ITPK1: variants seen among roughly 807,000 people sequenced by gnomAD.
ITPK1 encodes inositol-tetrakisphosphate 1-kinase.
ITPK1 carries 21 observed loss-of-function variants against 45.3 expected under a neutral mutation model. That is an observed-to-expected ratio of 0.46 (90% CI 0.33 to 0.67). The LOEUF is 0.67. Among genes scored for constraint, ITPK1 ranks in the 30% least tolerant of loss-of-function variants. ITPK1 has a pLI of 0.02. For missense variants in ITPK1, 474 were observed against 573.5 expected, an observed-to-expected ratio of 0.83 and a Z score of 1.77; for synonymous variants, 258 against 253.6, an observed-to-expected ratio of 1.02 and a Z score of -0.16.
intron 5 of ITPK1, among the ~76,000 whole-genome samples, chr14:92,979,025 T>C (rs181889823): frequency 1.3e-5 from 2 of 152,250 alleles, no homozygotes; most frequent in Admixed American, 1.3e-4. Context: ...GTGAGGGCTG[T>C]ACCCTGCAGA....
chr14:92,941,984 C>T, intron 10 of ITPK1, 80 bp from the exon 11 acceptor site: 2 of 1,213,212 alleles, frequency 1.6e-6, no homozygotes, highest in African/African-American at 3.0e-5. Context: ...GGAGGCAGAA[C>T]CGATGGGCTC....
Position 92,940,595 on chromosome 14 carries a change from T to G in ITPK1, c.*966A>C, listed in dbSNP as rs1887314924. The G allele has an allele frequency of 8.4e-7, 1 of 1,195,582 alleles. No homozygotes were observed. Among genetic ancestry groups the G allele is most frequent in the Admixed American group, 3.4e-5 (1 of 29,742 alleles). The allele number at this position is 1,195,582 out of a possible 1,614,324, so 74.1% of individuals were successfully genotyped here. A position where few individuals can be genotyped will look rare whatever the true frequency, so the allele number is the denominator to read the frequency against. On this transcript the variant is annotated 3_prime_UTR_variant, in exon 11 of 11. Transcript: ENST00000267615. ...GAGGGCCCCGATCTCCATGGTGTCA[T>G]GCCGAGGCTCCCGCGCCTATCCTCA...
chr14:93,110,746 A>G (rs117655170), intron 2 of ITPK1, among the ~76,000 whole-genome samples: 3,099 of 152,332 alleles, frequency 0.02, 75 homozygotes, highest in Admixed American at 0.08. Flanking sequence ...AGACTGCTCC[A>G]GAAACACGTT....
intron 2 of ITPK1, among the ~76,000 whole-genome samples, chr14:93,082,305 C>T (rs1312751702): frequency 1.3e-5 from 2 of 152,196 alleles, no homozygotes; most frequent in South Asian, 2.1e-4. Context: ...ACTTTTCAAC[C>T]GTGGTGGTGC....
chr14:92,937,725 G>A lies in ITPK1; in HGVS notation c.*3836C>T, dbSNP rs1289961492. ...CCTGAGTCAGGCTTATGCCTGGGCG[G>A]GGCAGATGACTGTGGCATCGGGGTG... On this transcript the variant is annotated 3_prime_UTR_variant, in exon 11 of 11. Coordinates refer to ENST00000267615, the MANE Select transcript of ITPK1 (RefSeq NM_014216.6). The A allele has an allele frequency of 6.5e-6, 1 of 152,758 alleles. No homozygotes were observed. Among genetic ancestry groups the A allele is most frequent in the African/African-American group, 2.4e-5 (1 of 41,470 alleles). 9.5% of individuals were successfully genotyped at this position (152,758 alleles called of 1,614,324 possible). A position where few individuals can be genotyped will look rare whatever the true frequency, so the allele number is the denominator to read the frequency against.
chr14:93,064,082 G>A (rs907177356), intron 3 of ITPK1, among the ~76,000 whole-genome samples: 1 of 152,092 alleles, frequency 6.6e-6, no homozygotes, highest in Non-Finnish European at 1.5e-5. Context: ...AGGAGATTGA[G>A]ACCATCCTGG....
intron 5 of ITPK1, among the ~76,000 whole-genome samples, chr14:92,972,274 C>T (rs985176025): frequency 2.0e-5 from 3 of 152,160 alleles, no homozygotes; most frequent in Non-Finnish European, 4.4e-5. Context: ...TGCCTGAGAA[C>T]GGGACTGCAC....
intron 3 of ITPK1, among the ~76,000 whole-genome samples, chr14:93,021,599 A>AAAAAAAAAAAAG (rs1456123679): frequency 7.0e-6 from 1 of 142,632 alleles, no homozygotes; most frequent in African/African-American, 2.5e-5. Flanking sequence ...TCTCAAAAAA[A>AAAAAAAAAAAAG]AAAAGAAAAG....
At chr14:92,990,388 G>A (rs1325775841) in intron 5 of ITPK1, among the ~76,000 whole-genome samples, 2 of 150,650 alleles carry the variant, frequency 1.3e-5, no homozygotes, top group Non-Finnish European at 3.0e-5. Flanking sequence ...GAGCTAGAAG[G>A]AGCCAGGGTC....
At chr14:93,097,686 A>G (rs2140016764) in intron 2 of ITPK1, among the ~76,000 whole-genome samples, 1 of 152,380 alleles carries the variant, frequency 6.6e-6, no homozygotes, top group East Asian at 1.9e-4. Context: ...AAAGATGCCC[A>G]ATGCAGCTGT....
chr14:92,959,880 G>A (rs905536520), intron 7 of ITPK1, among the ~76,000 whole-genome samples: 2 of 152,174 alleles, frequency 1.3e-5, no homozygotes, highest in African/African-American at 4.8e-5. Flanking sequence ...TCAGAGGCCG[G>A]GAGTGCGCGG....
At chr14:93,055,626 C>A (rs893753487) in intron 3 of ITPK1, among the ~76,000 whole-genome samples, 1 of 152,206 alleles carries the variant, frequency 6.6e-6, no homozygotes, top group African/African-American at 2.4e-5. Flanking sequence ...TCTGCACTCA[C>A]CTGCGCATGA....
rs1352774728 is a variant in ITPK1, at chr14:92,979,742, C to A, written c.364+14138G>T. 3.9e-5 allele frequency among the ~76,000 whole-genome samples: 6 copies of A among 152,010 alleles called. No individual in the cohort carries two copies. The East Asian group carries it at 9.6e-4, about 24-fold the overall frequency. The stretch of plus-strand genomic sequence containing the variant: ...CTGGCCATATTTTTTGTACAGCCTG[C>A]AAAACCGTGAGTCAATTAAACCTCT... On this transcript the variant is annotated intron_variant, in intron 5 of 10. Transcript: ENST00000267615.
chr14:93,013,772 G>T (rs1412183781), intron 4 of ITPK1, among the ~76,000 whole-genome samples: 1 of 152,142 alleles, frequency 6.6e-6, no homozygotes, highest in Non-Finnish European at 1.5e-5. Flanking sequence ...AATGTCTAGA[G>T]AATAAAATTT....
chr14:93,039,452 G>A (rs956843207), intron 3 of ITPK1, among the ~76,000 whole-genome samples: 2 of 152,130 alleles, frequency 1.3e-5, no homozygotes, highest in Non-Finnish European at 1.5e-5. Context: ...AGATCAGCCT[G>A]GGCAACACAG....
At position 93,083,175 on chromosome 14, in the gene ITPK1, A is replaced by T. The variant is rs1411150875; in HGVS notation, c.96-6556T>A. 5.3e-5 allele frequency among the ~76,000 whole-genome samples: 8 copies of T among 152,276 alleles called. No individual in the cohort carries two copies. The South Asian group carries it at 1.7e-3, about 32-fold the overall frequency. On this transcript the variant is annotated intron_variant, in intron 2 of 10. Transcript: ENST00000267615. ...ACGGCATCCACGCCACCACCAAGCCACTGCAGCACAGTACCAGGTGTGGCG... is the reference window on the plus strand; with the variant it reads ...ACGGCATCCACGCCACCACCAAGCCTCTGCAGCACAGTACCAGGTGTGGCG...
chr14:93,098,252 C>T (rs1433584566), intron 2 of ITPK1, among the ~76,000 whole-genome samples: 1 of 151,952 alleles, frequency 6.6e-6, no homozygotes, highest in African/African-American at 2.4e-5. Flanking sequence ...GTCAGGAGAT[C>T]GAGACCATCC....
rs543461453 is a variant in ITPK1 at position 92,941,669 on chromosome 14, G to A, written c.1137C>T (p.Gly379=). Residue 379 remains glycine (G), a synonymous_variant, in exon 11 of 11, where the codon GGC becomes GGT. Transcript: ENST00000267615. ...TCTGGTGCGGCAGCTTGGCGGTGCC[G>A]CCCGCGTCGGCCTCAGCCTTCCAGG... is the stretch of plus-strand genomic sequence containing the variant. ...DAPWKAEADA[G]GTAKLPHQRL... The A allele has an allele frequency of 2.9e-5, 45 of 1,540,424 alleles. 1 individual carries two copies. The East Asian group carries it at 5.6e-4, about 19-fold the overall frequency.
intron 3 of ITPK1, among the ~76,000 whole-genome samples, chr14:93,064,664 G>T (rs546311297): frequency 6.6e-6 from 1 of 152,294 alleles, no homozygotes; most frequent in South Asian, 2.1e-4. Context: ...TAAGGCCATT[G>T]CATAAAGCTC....
Sources: allele counts gnomAD v4.1 joint callset (sites outside exome capture counted in the v4.1 genomes callset), GRCh38; gene constraint gnomAD v4.1.1; transcripts MANE v1.5; gene names NCBI Gene and HGNC (gene_info 2026-07-23, HGNC 2026-07-21).